Variants in NTN4 observed in about 807,000 individuals in gnomAD.
The protein encoded by NTN4 is netrin-4.
NTN4 carries 32 observed loss-of-function variants against 73.6 expected under a neutral mutation model. The observed-to-expected ratio is 0.44, with a 90% CI of 0.33 to 0.58. NTN4 has a LOEUF of 0.58. Ranked by LOEUF, NTN4 falls within the 20% of genes least tolerant of loss-of-function variation. The pLI, the probability that NTN4 is intolerant of heterozygous loss-of-function variation, is 0.04. For missense variants in NTN4, 654 were observed against 798.3 expected, an observed-to-expected ratio of 0.82 and a Z score of 2.18; for synonymous variants, 258 against 287.5, an observed-to-expected ratio of 0.90 and a Z score of 1.04.
chr12:95,664,379 T>G (rs2078163310), intron 9 of NTN4, among the ~76,000 whole-genome samples: 1 of 152,120 alleles, frequency 6.6e-6, no homozygotes, highest in African/African-American at 2.4e-5. Flanking sequence ...TTATATAATT[T>G]AAAACATTAT....
chr12:95,669,375 A>G (rs1233543316), intron 8 of NTN4, among the ~76,000 whole-genome samples: 5 of 152,142 alleles, frequency 3.3e-5, no homozygotes, highest in African/African-American at 1.2e-4. Flanking sequence ...TATTTGAAAG[A>G]TAGGGGTATC....
Position 95,738,010 on chromosome 12 carries a change from G to A in NTN4, c.720C>T (p.Asp240=). 1 of 1,614,084 alleles carries A rather than the reference G, an allele frequency of 6.2e-7. No individual in the cohort carries two copies. Among genetic ancestry groups the A allele is most frequent in the Non-Finnish European group, 8.5e-7 (1 of 1,180,000 alleles). ...KRQSCPCQRN[D]LNEEPQHFTH... ...TAAAATGTTGAGGCTCTTCGTTCAG[G>A]TCATTTCTCTGACAGGGACAAGACT... The change falls in exon 3 of 10, where the codon GAC becomes GAT. Residue 240 remains aspartate, a synonymous_variant. Coordinates refer to ENST00000343702, the MANE Select transcript of NTN4 (RefSeq NM_021229.4).
chr12:95,758,443 T>C (rs1369749322), intron 2 of NTN4, among the ~76,000 whole-genome samples: 1 of 152,224 alleles, frequency 6.6e-6, no homozygotes, highest in African/African-American at 2.4e-5. Context: ...GAGTTATGAG[T>C]TCCTTATGAA....
chr12:95,779,124 A>C (rs1188559209), intron 2 of NTN4, among the ~76,000 whole-genome samples: 2 of 152,050 alleles, frequency 1.3e-5, no homozygotes, highest in East Asian at 3.8e-4. Context: ...CATGCTAAAA[A>C]CTCTCAATAA....
chr12:95,700,676 A>C (rs1275126807), intron 5 of NTN4, among the ~76,000 whole-genome samples: 1 of 152,040 alleles, frequency 6.6e-6, no homozygotes, highest in African/African-American at 2.4e-5. Flanking sequence ...GAAATTGCTA[A>C]ATGGTGTGAA....
At chr12:95,751,393 G>A (rs1247291688) in intron 2 of NTN4, among the ~76,000 whole-genome samples, 4 of 151,022 alleles carry the variant, frequency 2.6e-5, no homozygotes, top group East Asian at 1.9e-4. Context: ...ACTTCCAAAC[G>A]CCTGAACCGC....
At chr12:95,694,316 C>CG (rs1375975214) in intron 5 of NTN4, among the ~76,000 whole-genome samples, 238 of 152,152 alleles carry the variant, frequency 1.6e-3, no homozygotes, top group Non-Finnish European at 2.4e-3. Flanking sequence ...TCACCAAGAC[C>CG]CCGGCGGCCA....
intron 5 of NTN4, among the ~76,000 whole-genome samples, chr12:95,694,977 A>C (rs906448116): frequency 1.3e-5 from 2 of 152,072 alleles, no homozygotes; most frequent in Non-Finnish European, 2.9e-5. Flanking sequence ...AAAATACAAA[A>C]ATCAGCTGGG....
intron 7 of NTN4, chr12:95,672,529 C>G: frequency 6.6e-7 from 1 of 1,526,004 alleles, no homozygotes; most frequent in South Asian, 1.1e-5. Context: ...TGCCATTGAT[C>G]AGATGTGGCC....
chr12:95,717,445 C>T (rs943553537), intron 3 of NTN4, among the ~76,000 whole-genome samples: 1 of 152,006 alleles, frequency 6.6e-6, no homozygotes, highest in African/African-American at 2.4e-5. Context: ...ATGAACCTCC[C>T]GGGGTCTGAA....
intron 3 of NTN4, among the ~76,000 whole-genome samples, chr12:95,728,607 T>C (rs1430111277): frequency 6.6e-6 from 1 of 152,158 alleles, no homozygotes; most frequent in Admixed American, 6.5e-5. Flanking sequence ...TGATCCTGTG[T>C]TCTCTTTAAT....
intron 9 of NTN4, among the ~76,000 whole-genome samples, chr12:95,662,146 G>A (rs2078142539): frequency 6.6e-6 from 1 of 151,944 alleles, no homozygotes; most frequent in Non-Finnish European, 1.5e-5. Context: ...ATCTCTGGGG[G>A]ATAGAAATGT....
intron 2 of NTN4, among the ~76,000 whole-genome samples, chr12:95,770,099 T>A (rs900845817): frequency 3.3e-5 from 5 of 152,276 alleles, no homozygotes; most frequent in African/African-American, 1.2e-4. Flanking sequence ...TTACAGATTG[T>A]CCACAACGAC....
At chr12:95,733,908 A>G (rs1002286800) in intron 3 of NTN4, among the ~76,000 whole-genome samples, 7 of 152,014 alleles carry the variant, frequency 4.6e-5, no homozygotes, top group Non-Finnish European at 8.8e-5. Flanking sequence ...CATCTGAACT[A>G]AAAATACAAA....
At chr12:95,694,901 T>C (rs1038161324) in intron 5 of NTN4, among the ~76,000 whole-genome samples, 4 of 152,010 alleles carry the variant, frequency 2.6e-5, no homozygotes. Flanking sequence ...CCAAGGCAGG[T>C]AAAATCACTT....
At chr12:95,747,232 T>G (rs2078869148) in intron 2 of NTN4, among the ~76,000 whole-genome samples, 1 of 152,206 alleles carries the variant, frequency 6.6e-6, no homozygotes. Context: ...AATAATTCTG[T>G]TTTAGTAATT....
At chr12:95,712,787 C>CTTTCTTTTTTTT (rs2078573995) in intron 4 of NTN4, among the ~76,000 whole-genome samples, 5 of 105,730 alleles carry the variant, frequency 4.7e-5, no homozygotes, top group Admixed American at 1.1e-4. Context: ...TTCTTTCTTT[C>CTTTCTTTTTTTT]TTTTTTTTTT....
At chr12:95,745,814 G>A (rs1049262183) in intron 2 of NTN4, among the ~76,000 whole-genome samples, 1 of 152,056 alleles carries the variant, frequency 6.6e-6, no homozygotes, top group African/African-American at 2.4e-5. Flanking sequence ...ATCCTTTTGA[G>A]TCTTGCTTTT....
chr12:95,749,286 T>G (rs571930574), intron 2 of NTN4, among the ~76,000 whole-genome samples: 61 of 152,308 alleles, frequency 4.0e-4, no homozygotes, highest in African/African-American at 1.5e-3. Context: ...CGCATGAAAT[T>G]TGGTGCTGTG....
Sources: gnomAD v4.1 joint callset for allele counts (sites outside exome capture counted in the v4.1 genomes callset) on GRCh38, gnomAD v4.1.1 for gene constraint, MANE v1.5 for transcripts, NCBI Gene and HGNC (gene_info 2026-07-23, HGNC 2026-07-21) for gene names.